Variants in PARS2 observed in about 807,000 individuals in gnomAD.
The protein encoded by PARS2 is probable proline--tRNA ligase, mitochondrial.
In PARS2, 20 loss-of-function variants were observed where a neutral mutation model predicts 27.4. The observed-to-expected ratio is 0.73, with a 90% CI of 0.51 to 1.06. The LOEUF (loss-of-function observed/expected upper bound fraction) is 1.06, where lower values mean the gene tolerates loss of function less well. PARS2 is among the 50% of genes least tolerant of loss of function. The probability of loss-of-function intolerance (pLI) is 0.00; values close to 1 mark genes in which losing one functional copy is unlikely to be tolerated. For synonymous variants in PARS2, 240 were observed against 247.1 expected (o/e 0.97, Z 0.27); for missense variants, 585 against 602.1 (o/e 0.97, Z 0.30).
Position 54,758,278 on chromosome 1 carries a change from C to G in PARS2, c.884G>C (p.Cys295Ser). The change falls in exon 2 of 2, where the codon TGC becomes TCC. Residue 295 changes from cysteine to serine, a missense_variant. Cys to Ser is a moderately radical substitution (Grantham distance 112). Transcript: ENST00000371279. The stretch of plus-strand genomic sequence containing the variant: ...TTTGGTTTTAGTCAATGGGCCCTGG[C>G]AAGCAGGGCAGTTCATTTGTGACAA... Reference protein sequence around the residue: ...LDLSQMNCPACQGPLTKTKGI... With the variant: ...LDLSQMNCPASQGPLTKTKGI... 1 of 1,614,218 alleles carries G rather than the reference C, an allele frequency of 6.2e-7. No homozygotes were observed. Among genetic ancestry groups the G allele is most frequent in the Non-Finnish European group, 8.5e-7 (1 of 1,180,042 alleles).
intron 1 of PARS2, among the ~76,000 whole-genome samples, chr1:54,759,905 G>A (rs1431777838): frequency 6.6e-6 from 1 of 152,098 alleles, no homozygotes; most frequent in Non-Finnish European, 1.5e-5. Context: ...TTGGGAGGCT[G>A]AGGCAGGAGA....
rs567609970 is a variant in PARS2, at chr1:54,757,760, A to G, written c.1402T>C (p.Leu468=). Residue 468 remains leucine (L), a synonymous_variant, in exon 2 of 2, where the codon TTA becomes CTA. Transcript: ENST00000371279. ...AFLTKDGVMD[L]LTPVQTV is the part of the protein sequence containing the mutation. ...TAGACAGTCTGCACTGGGGTCAGTA[A>G]ATCCATGACTCCATCTTTGGTGAGG... 1.2e-5 allele frequency: 19 copies of G among 1,612,516 alleles called. No individual in the cohort carries two copies. The highest frequency in any genetic ancestry group is 1.0e-4 in the Admixed American group (6 of 59,912).
At position 54,757,669 on chromosome 1, in the gene PARS2, AG is replaced by A. The variant is rs1480832711; in HGVS notation, c.*64del. ...AGAGAGCAGTCCAGGAAAGGGGTGT[AG>A]GAAAATGCAGTGTTAGAACGAACAC... On this transcript the variant is annotated 3_prime_UTR_variant, in exon 2 of 2. Transcript: ENST00000371279. 15 of 1,053,004 alleles carry A rather than the reference AG, an allele frequency of 1.4e-5. No homozygotes were observed. In the African/African-American group the frequency reaches 2.2e-4, roughly 16 times the overall value. The allele number at this position is 1,053,004 out of a possible 1,614,324, so 65.2% of individuals were successfully genotyped here.
At chr1:54,761,124 T>A (rs1646154419) in intron 1 of PARS2, among the ~76,000 whole-genome samples, 2 of 151,982 alleles carry the variant, frequency 1.3e-5, no homozygotes, top group South Asian at 4.1e-4. Flanking sequence ...AGAACACCCC[T>A]CTCCCCTTTT....
At chr1:54,759,827 G>A (rs1057428147) in intron 1 of PARS2, among the ~76,000 whole-genome samples, 3 of 152,038 alleles carry the variant, frequency 2.0e-5, no homozygotes, top group Admixed American at 6.6e-5. Flanking sequence ...CCAACATGGC[G>A]AAACCCTGTC....
At chr1:54,762,078 A>G (rs758336365) in intron 1 of PARS2, among the ~76,000 whole-genome samples, 2 of 151,194 alleles carry the variant, frequency 1.3e-5, no homozygotes, top group Non-Finnish European at 2.9e-5. Context: ...CACTTGCTAC[A>G]TTACAGTTAC....
Position 54,758,819 on chromosome 1 carries a change from G to C in PARS2, c.343C>G (p.Gln115Glu), listed in dbSNP as rs1168118928. The stretch of plus-strand genomic sequence containing the variant: ...CTGAGGCTGGGCATGTTGACTTTCT[G>C]GCCCCCGATGGCCTGCATCTCCTGG... Reference protein sequence around the residue: ...IDQEMQAIGGQKVNMPSLSPA... With the variant: ...IDQEMQAIGGEKVNMPSLSPA... The change falls in exon 2 of 2, where the codon CAG (glutamine) becomes GAG (glutamate). Residue 115 changes from glutamine to glutamate, a missense_variant. By Grantham distance (29) the Gln-to-Glu change is conservative. Coordinates refer to ENST00000371279, the MANE Select transcript of PARS2 (RefSeq NM_152268.4). The C allele has an allele frequency of 6.2e-7, 1 of 1,613,996 alleles. No homozygotes were observed. Among genetic ancestry groups the C allele is most frequent in the Non-Finnish European group, 8.5e-7 (1 of 1,180,002 alleles).
intron 1 of PARS2, among the ~76,000 whole-genome samples, chr1:54,760,069 C>T (rs988402871): frequency 2.0e-5 from 3 of 152,040 alleles, no homozygotes; most frequent in East Asian, 1.9e-4. Context: ...CTGCAGCTGA[C>T]GTTTTGTTGC....
chr1:54,760,830 A>C (rs1180952), intron 1 of PARS2, among the ~76,000 whole-genome samples: 92,942 of 151,416 alleles, frequency 0.61, 29,083 homozygotes, highest in East Asian at 0.96. Flanking sequence ...CCAGGCTGGA[A>C]TGTAGTGGCG....
At chr1:54,760,903 C>T (rs904743267) in intron 1 of PARS2, among the ~76,000 whole-genome samples, 2 of 152,168 alleles carry the variant, frequency 1.3e-5, no homozygotes, top group African/African-American at 2.4e-5. Context: ...CTCAGCCTCC[C>T]GAGTAACTGG....
chr1:54,761,255 C>T (rs1570091665), intron 1 of PARS2, among the ~76,000 whole-genome samples: 1 of 152,174 alleles, frequency 6.6e-6, no homozygotes, highest in South Asian at 2.1e-4. Context: ...CCACTTGTCT[C>T]CTAGGGTTCC....
chr1:54,761,070 G>A (rs904731915), intron 1 of PARS2, among the ~76,000 whole-genome samples: 21 of 152,106 alleles, frequency 1.4e-4, no homozygotes. Context: ...GAGCCACTGC[G>A]CCCGGCCCCA....
At chr1:54,759,218 G>A in intron 1 of PARS2, 28 bp from the exon 2 acceptor site, 1 of 1,388,248 alleles carries the variant, frequency 7.2e-7, no homozygotes, top group Non-Finnish European at 9.8e-7. Context: ...GTGTGAGAAT[G>A]AGCCTCATCC....
Position 54,757,667 on chromosome 1 carries a change from G to T in PARS2, c.*67C>A. 1.9e-6 allele frequency: 2 copies of T among 1,041,514 alleles called. No individual in the cohort carries two copies. The highest frequency in any genetic ancestry group is 2.9e-6 in the Non-Finnish European group (2 of 699,248). 64.5% of individuals were successfully genotyped at this position (1,041,514 alleles called of 1,614,324 possible). A position where few individuals can be genotyped will look rare whatever the true frequency, so the allele number is the denominator to read the frequency against. On this transcript the variant is annotated 3_prime_UTR_variant, in exon 2 of 2. Coordinates refer to ENST00000371279, the MANE Select transcript of PARS2 (RefSeq NM_152268.4). ...GGAGAGAGCAGTCCAGGAAAGGGGTGTAGGAAAATGCAGTGTTAGAACGAA... is the reference window on the plus strand; with the variant it reads ...GGAGAGAGCAGTCCAGGAAAGGGGTTTAGGAAAATGCAGTGTTAGAACGAA...
At position 54,758,658 on chromosome 1, in the gene PARS2, G is replaced by A. The variant is rs1393578307; in HGVS notation, c.504C>T (p.Ser168=). The A allele has an allele frequency of 6.2e-7, 1 of 1,614,076 alleles. No homozygotes were observed. Among genetic ancestry groups the A allele is most frequent in the African/African-American group, 1.3e-5 (1 of 74,928 alleles). ...GCTGCTTGTAGGACAGTTTCTTCTG[G>A]GAGGCAATTAAGGCCGTAATGGCTT... ...HEEAITALIA[S]QKKLSYKQLP... Residue 168 remains serine, a synonymous_variant, in exon 2 of 2, where the codon TCC becomes TCT. Coordinates refer to ENST00000371279, the MANE Select transcript of PARS2 (RefSeq NM_152268.4).
intron 1 of PARS2, among the ~76,000 whole-genome samples, chr1:54,760,874 G>A (rs971412959): frequency 1.3e-5 from 2 of 152,078 alleles, no homozygotes; most frequent in East Asian, 1.9e-4. Context: ...TGCCTCCCGG[G>A]TTCACGCCAT....
chr1:54,762,915 G>A (rs982046897), intron 1 of PARS2, among the ~76,000 whole-genome samples: 2 of 152,120 alleles, frequency 1.3e-5, no homozygotes, highest in African/African-American at 4.8e-5. Context: ...AACCCTGTCA[G>A]TCCAGTCTCC....
intron 1 of PARS2, among the ~76,000 whole-genome samples, chr1:54,760,942 TA>T (rs1333513488): frequency 6.6e-6 from 1 of 152,194 alleles, no homozygotes; most frequent in South Asian, 2.1e-4. Context: ...CCATGCCCGC[TA>T]ATTTTTTTGT....
chr1:54,761,989 T>C (rs1028721242), intron 1 of PARS2, among the ~76,000 whole-genome samples: 1 of 152,168 alleles, frequency 6.6e-6, no homozygotes, highest in Non-Finnish European at 1.5e-5. Flanking sequence ...AGCAAATGAG[T>C]CTGTCTCAAG....
Sources: gnomAD v4.1 joint callset for allele counts (sites outside exome capture counted in the v4.1 genomes callset) on GRCh38, gnomAD v4.1.1 for gene constraint, MANE v1.5 for transcripts, NCBI Gene and HGNC (gene_info 2026-07-23, HGNC 2026-07-21) for gene names.